Variants in UGT2B11 observed in about 807,000 individuals in gnomAD.
UGT2B11 encodes UDP-glucuronosyltransferase 2B11.
In UGT2B11, 49 loss-of-function variants were observed where a neutral mutation model predicts 51.7. The ratio of observed to expected loss-of-function variants is 0.95; its 90% CI spans 0.75 to 1.20. The LOEUF (loss-of-function observed/expected upper bound fraction) is 1.20. Among genes scored for constraint, UGT2B11 ranks in the 50% most tolerant of loss-of-function variants. The probability of loss-of-function intolerance (pLI) is 0.00; values close to 1 mark genes in which losing one functional copy is unlikely to be tolerated. For missense variants in UGT2B11, 810 were observed against 622.1 expected (o/e 1.30, Z -3.21); for synonymous variants, 273 against 209.0 (o/e 1.31, Z -2.64).
intron 3 of UGT2B11, among the ~76,000 whole-genome samples, chr4:69,207,487 G>A (rs748469384): frequency 6.6e-6 from 1 of 151,546 alleles, no homozygotes; most frequent in Non-Finnish European, 1.5e-5. Flanking sequence ...TCTATGGAGG[G>A]GACATCTGAA....
Position 69,214,690 on chromosome 4 carries a change from C to T in UGT2B11, c.33G>A (p.Leu11=), listed in dbSNP as rs181764608. The change falls in exon 1 of 6, where the codon CTG becomes CTA. Residue 11 remains leucine, a synonymous_variant. Coordinates refer to ENST00000446444, the MANE Select transcript of UGT2B11 (RefSeq NM_001073.3). ...AGCTAAAGTAACAACTGAGATGTAT[C>T]AGCAGAAGAACTGAAGTCCATTTCA... MTLKWTSVLL[L]IHLSCYFSSG... 1 of 1,612,758 alleles carries T rather than the reference C, an allele frequency of 6.2e-7. No individual in the cohort carries two copies. Among genetic ancestry groups the T allele is most frequent in the African/African-American group, 1.3e-5 (1 of 74,944 alleles).
chr4:69,212,580 AG>A lies in UGT2B11; in HGVS notation c.862del (p.Leu288TyrfsTer25). 6.2e-7 allele frequency: 1 copy of A among 1,607,568 alleles called. No individual in the cohort carries two copies. Among genetic ancestry groups the A allele is most frequent in the South Asian group, 1.1e-5 (1 of 90,174 alleles). ...CAACAAAAGTATGTTTACCTTAGGT[AG>A]GGGTTTGGCAGGTTTGCAGTGGAAT... is the stretch of plus-strand genomic sequence containing the variant. ...GGFHCKPAKP[L>X]PKEMEEFVQS... On this transcript the variant is annotated frameshift_variant, in exon 2 of 6. Coordinates refer to ENST00000446444, the MANE Select transcript of UGT2B11 (RefSeq NM_001073.3). LOFTEE classifies it high-confidence loss of function.
At chr4:69,222,478 G>A in the UGT2B11 span, among the ~76,000 whole-genome samples, 1 of 152,118 alleles carries the variant, frequency 6.6e-6, no homozygotes, top group African/African-American at 2.4e-5. Flanking sequence ...TCCATGATCT[G>A]AGTAAGTATC....
chr4:69,214,440 T>C lies in UGT2B11; in HGVS notation c.283A>G (p.Lys95Glu). Residue 95 changes from lysine (K) to glutamate (E), a missense_variant, in exon 1 of 6, where the codon AAG becomes GAG. Physicochemically the swap from Lys to Glu is moderately conservative, Grantham distance 56. Coordinates refer to ENST00000446444, the MANE Select transcript of UGT2B11 (RefSeq NM_001073.3). ...EFENIIMQQV[K>E]RWSDIRKDSF... is the part of the protein sequence containing the mutation. ...TCTTTTCGAATGTCTGACCATCTCT[T>C]AACCTGTTGCATGATGATATTCTCA... 1 of 1,613,290 alleles carries C rather than the reference T, an allele frequency of 6.2e-7. No homozygotes were observed. The highest frequency in any genetic ancestry group is 8.5e-7 in the Non-Finnish European group (1 of 1,179,528).
At chr4:69,221,202 C>T in the UGT2B11 span, among the ~76,000 whole-genome samples, 119 of 152,176 alleles carry the variant, frequency 7.8e-4, no homozygotes, top group Non-Finnish European at 1.4e-3. Context: ...AAAAAAATGC[C>T]TTAAGGTAGA....
At chr4:69,205,614 A>G (rs1191831365) in intron 3 of UGT2B11, 47 bp from the exon 4 acceptor site, 1 of 1,577,876 alleles carries the variant, frequency 6.3e-7, no homozygotes, top group South Asian at 1.1e-5. Context: ...GAACTCAAAA[A>G]TTATAGAATG....
At chr4:69,209,476 T>C (rs1721978830) in intron 2 of UGT2B11, among the ~76,000 whole-genome samples, 1 of 151,728 alleles carries the variant, frequency 6.6e-6, no homozygotes, top group Admixed American at 6.6e-5. Flanking sequence ...TGAGAATTAT[T>C]CTGACTTGAG....
chr4:69,200,252 C>G lies in UGT2B11; in HGVS notation c.*188G>C. On this transcript the variant is annotated 3_prime_UTR_variant, in exon 6 of 6. Transcript: ENST00000446444. ...TTCATTGCCACAAAATATTTCTAAC[C>G]ATTACCTGGGTGGTAAATCTCTGAA... is the stretch of plus-strand genomic sequence containing the variant. The G allele has an allele frequency of 2.5e-6, 2 of 788,264 alleles. No homozygotes were observed. Among genetic ancestry groups the G allele is most frequent in the Non-Finnish European group, 3.5e-6 (2 of 573,242 alleles). The allele number at this position is 788,264 out of a possible 1,614,324, so 48.8% of individuals were successfully genotyped here. A position where few individuals can be genotyped will look rare whatever the true frequency, so the allele number is the denominator to read the frequency against.
chr4:69,212,405 C>T lies in UGT2B11; in HGVS notation c.870+168G>A, dbSNP rs546344473. ...TTGTAATATGCATAAAACTCACATA[C>T]GTGTGACGGTATTAACATATACATG... On this transcript the variant is annotated intron_variant, in intron 2 of 5. Transcript: ENST00000446444. 1.1e-3 allele frequency among the ~76,000 whole-genome samples: 163 copies of T among 151,732 alleles called. 1 individual carries two copies. Among genetic ancestry groups the T allele is most frequent in the African/African-American group, 3.6e-3 (150 of 41,480 alleles).
chr4:69,203,920 G>T (rs1241253900), intron 5 of UGT2B11, among the ~76,000 whole-genome samples: 1 of 151,226 alleles, frequency 6.6e-6, no homozygotes, highest in African/African-American at 2.4e-5. Flanking sequence ...ATATATAATG[G>T]TGATACTTTA....
chr4:69,213,154 T>C (rs562861060), intron 1 of UGT2B11, among the ~76,000 whole-genome samples: 146 of 145,754 alleles, frequency 1.0e-3, no homozygotes, highest in Non-Finnish European at 1.7e-3. Context: ...TCCTTTTATC[T>C]TTGGTTCAAG....
chr4:69,210,212 A>G (rs1055103130), intron 2 of UGT2B11, among the ~76,000 whole-genome samples: 5 of 151,626 alleles, frequency 3.3e-5, no homozygotes, highest in Non-Finnish European at 7.4e-5. Context: ...ATGCACATAC[A>G]TTTTAATCAT....
chr4:69,211,886 A>C (rs1460609139), intron 2 of UGT2B11, among the ~76,000 whole-genome samples: 2 of 151,502 alleles, frequency 1.3e-5, no homozygotes, highest in East Asian at 1.9e-4. Context: ...TATTTCCACT[A>C]CTAATATGTA....
At position 69,213,769 on chromosome 4, in the gene UGT2B11, G is replaced by T. The variant is rs187415261; in HGVS notation, c.721+233C>A. ...AAATTCTTAGGTGTACTAATATATA[G>T]GTTTATGATTTCCTGGGGTGTTCTG... On this transcript the variant is annotated intron_variant, in intron 1 of 5. Coordinates refer to ENST00000446444, the MANE Select transcript of UGT2B11 (RefSeq NM_001073.3). Among the ~76,000 whole-genome samples the T allele has an allele frequency of 4.4e-3, 661 of 151,848 alleles. 6 individuals are homozygous for T. The highest frequency in any genetic ancestry group is 0.015 in the African/African-American group (633 of 41,480).
chr4:69,218,793 A>G (rs1363311269), upstream of UGT2B11, among the ~76,000 whole-genome samples: 1 of 151,920 alleles, frequency 6.6e-6, no homozygotes, highest in African/African-American at 2.4e-5. Flanking sequence ...CTTTGTTTCA[A>G]GTTTTTCTTA....
chr4:69,201,087 C>A, intron 5 of UGT2B11: 1 of 159,058 alleles, frequency 6.3e-6, no homozygotes, highest in African/African-American at 2.4e-5. Flanking sequence ...GAAATAATCA[C>A]ATCATGAAAA....
At chr4:69,207,003 C>T (rs1429511756) in intron 3 of UGT2B11, among the ~76,000 whole-genome samples, 1 of 151,404 alleles carries the variant, frequency 6.6e-6, no homozygotes, top group Non-Finnish European at 1.5e-5. Context: ...GCACTATTTC[C>T]CAGAAAAATT....
chr4:69,210,108 T>A (rs1722003740), intron 2 of UGT2B11, among the ~76,000 whole-genome samples: 1 of 151,580 alleles, frequency 6.6e-6, no homozygotes, highest in East Asian at 1.9e-4. Context: ...ACTTCCATCT[T>A]GTTATATTTA....
chr4:69,214,410 A>G lies in UGT2B11; in HGVS notation c.313T>C (p.Phe105Leu), dbSNP rs1722194844. Reference protein sequence around the residue: ...KRWSDIRKDSFWLYFSQEQEI... With the variant: ...KRWSDIRKDSLWLYFSQEQEI... Reference sequence around the variant, plus strand: ...TGTTCTTGTGAAAAATATAACCAAAAGCTATCTTTTCGAATGTCTGACCAT... The same window carrying G: ...TGTTCTTGTGAAAAATATAACCAAAGGCTATCTTTTCGAATGTCTGACCAT... Residue 105 changes from phenylalanine to leucine, a missense_variant, in exon 1 of 6, where the codon TTT becomes CTT. Physicochemically the swap from Phe to Leu is conservative, Grantham distance 22 (BLOSUM62 0). Coordinates refer to ENST00000446444, the MANE Select transcript of UGT2B11 (RefSeq NM_001073.3). The G allele has an allele frequency of 6.2e-7, 1 of 1,613,090 alleles. No homozygotes were observed.
Sources: allele counts gnomAD v4.1 joint callset (sites outside exome capture counted in the v4.1 genomes callset), GRCh38; gene constraint gnomAD v4.1.1; transcripts MANE v1.5; gene names NCBI Gene and HGNC (gene_info 2026-07-23, HGNC 2026-07-21).